PARD3B: variants seen among roughly 807,000 people sequenced by gnomAD.
PARD3B encodes the protein par-3 family cell polarity regulator beta, also known as partitioning defective 3 homolog B.
In PARD3B, 103 loss-of-function variants were observed where a neutral mutation model predicts 130.2. That is an observed-to-expected ratio of 0.79 (90% CI 0.67 to 0.93). The LOEUF (loss-of-function observed/expected upper bound fraction) is 0.93. Among genes scored for constraint, PARD3B ranks in the 40% least tolerant of loss-of-function variants. The pLI, the probability that PARD3B is intolerant of heterozygous loss-of-function variation, is 0.00. For synonymous variants in PARD3B, 583 were observed against 553.2 expected (o/e 1.05, Z -0.76); for missense variants, 1,609 against 1,499.2 (o/e 1.07, Z -1.21).
intron 18 of PARD3B, among the ~76,000 whole-genome samples, chr2:205,312,001 A>T (rs1377156785): frequency 6.6e-6 from 1 of 152,200 alleles, no homozygotes; most frequent in Non-Finnish European, 1.5e-5. Flanking sequence ...ACCCATAAAG[A>T]TACATTTTGA....
Position 205,310,719 on chromosome 2 carries a change from C to CTTTTTTTTTTTTT in PARD3B, c.2630+9028_2630+9040dup, listed in dbSNP as rs34032930. 1.7e-3 allele frequency among the ~76,000 whole-genome samples: 142 copies of CTTTTTTTTTTTTT among 82,604 alleles called. 2 individuals are homozygous for CTTTTTTTTTTTTT. Among genetic ancestry groups the CTTTTTTTTTTTTT allele is most frequent in the Non-Finnish European group, 2.0e-3 (98 of 48,650 alleles). The allele number at this position is 82,604 out of a possible 152,430, so 54.2% of individuals were successfully genotyped here. ...TATTTCTTCCTTTCTTTCTTTCTTT[C>CTTTTTTTTTTTTT]TTTTTTTTTTTTTTTTTTTTTTGAG... On this transcript the variant is annotated intron_variant, in intron 18 of 22. Transcript: ENST00000406610.
intron 1 of PARD3B, among the ~76,000 whole-genome samples, chr2:204,647,291 T>A (rs996143150): frequency 2.0e-5 from 3 of 151,958 alleles, no homozygotes; most frequent in Non-Finnish European, 4.4e-5. Flanking sequence ...GGGTTGTCTG[T>A]TGTTCATTTT....
intron 11 of PARD3B, among the ~76,000 whole-genome samples, chr2:205,165,726 T>A (rs1559501721): frequency 2.3e-5 from 1 of 43,936 alleles, no homozygotes; most frequent in East Asian, 3.8e-4. Flanking sequence ...GTCTCAAAAA[T>A]AAATAAATAA....
At chr2:204,793,693 G>C (rs1227726371) in intron 2 of PARD3B, among the ~76,000 whole-genome samples, 1 of 151,938 alleles carries the variant, frequency 6.6e-6, no homozygotes, top group Non-Finnish European at 1.5e-5. Flanking sequence ...ATTTTTAGTT[G>C]AGATGGGGTT....
intron 21 of PARD3B, among the ~76,000 whole-genome samples, chr2:205,514,171 C>G (rs1208245046): frequency 6.6e-6 from 1 of 152,126 alleles, no homozygotes; most frequent in Non-Finnish European, 1.5e-5. Context: ...TTTCTAACAA[C>G]TGTGTGTCAC....
intron 4 of PARD3B, among the ~76,000 whole-genome samples, chr2:205,060,662 T>TA (rs1700013888): frequency 6.6e-6 from 1 of 152,122 alleles, no homozygotes; most frequent in East Asian, 1.9e-4. Flanking sequence ...GCTTAATATA[T>TA]GTTAATAATA....
At position 204,738,998 on chromosome 2, in the gene PARD3B, G is replaced by C. The variant is rs77259599; in HGVS notation, c.222+52716G>C. 3.3e-5 allele frequency among the ~76,000 whole-genome samples: 5 copies of C among 152,146 alleles called. No homozygotes were observed. The East Asian group carries it at 9.7e-4, about 29-fold the overall frequency. On this transcript the variant is annotated intron_variant, in intron 2 of 22. Transcript: ENST00000406610. ...ATACTCAGTGGGAGGATTATGCAAG[G>C]GTGAGTATCACTGGGAATTCTTAGG...
At chr2:204,816,782 G>GT (rs1024561665) in intron 2 of PARD3B, among the ~76,000 whole-genome samples, 3 of 151,564 alleles carry the variant, frequency 2.0e-5, no homozygotes, top group Non-Finnish European at 2.9e-5. Context: ...TGATTTTATA[G>GT]TTTTAATAAA....
chr2:205,548,238 C>T (rs2052462153), intron 21 of PARD3B, among the ~76,000 whole-genome samples: 2 of 152,080 alleles, frequency 1.3e-5, no homozygotes, highest in South Asian at 4.1e-4. Context: ...CTTTTCCAAG[C>T]TTTCTGGTAC....
intron 18 of PARD3B, among the ~76,000 whole-genome samples, chr2:205,343,320 G>A (rs548862297): frequency 2.0e-5 from 3 of 152,266 alleles, no homozygotes; most frequent in Admixed American, 6.5e-5. Flanking sequence ...CATGTGCTCC[G>A]AGCATGAAGG....
At chr2:205,437,389 A>G (rs912632418) in intron 19 of PARD3B, among the ~76,000 whole-genome samples, 4 of 152,296 alleles carry the variant, frequency 2.6e-5, no homozygotes, top group African/African-American at 9.6e-5. Context: ...TTTAAGGTAT[A>G]TATTAAAGTG....
intron 2 of PARD3B, among the ~76,000 whole-genome samples, chr2:204,786,949 C>T (rs1404313193): frequency 6.6e-6 from 1 of 152,014 alleles, no homozygotes; most frequent in African/African-American, 2.4e-5. Flanking sequence ...GACTTAAAGA[C>T]CTGCTTAGTT....
intron 1 of PARD3B, among the ~76,000 whole-genome samples, chr2:204,624,608 A>G (rs1437175805): frequency 1.3e-5 from 2 of 152,152 alleles, no homozygotes; most frequent in African/African-American, 4.8e-5. Context: ...GATATACTCT[A>G]GTTTGTTTAA....
At chr2:204,686,141 C>T in intron 1 of PARD3B, 40 bp from the exon 2 acceptor site, 1 of 1,356,898 alleles carries the variant, frequency 7.4e-7, no homozygotes, top group Non-Finnish European at 1.1e-6. Context: ...AACTTTTTAA[C>T]ATAGATTAGG....
intron 2 of PARD3B, among the ~76,000 whole-genome samples, chr2:204,836,369 T>C (rs903602108): frequency 1.3e-5 from 2 of 152,146 alleles, no homozygotes; most frequent in African/African-American, 4.8e-5. Flanking sequence ...TTTCTAAAAG[T>C]ACCTTTAAAT....
chr2:205,444,582 C>G (rs542756592), intron 20 of PARD3B, among the ~76,000 whole-genome samples: 2 of 152,266 alleles, frequency 1.3e-5, no homozygotes, highest in South Asian at 4.2e-4. Flanking sequence ...ACAATGGGAG[C>G]CACTGAAGCG....
intron 15 of PARD3B, among the ~76,000 whole-genome samples, chr2:205,200,688 A>T (rs1332756006): frequency 6.6e-6 from 1 of 152,270 alleles, no homozygotes; most frequent in African/African-American, 2.4e-5. Context: ...TTATGTAAAC[A>T]GATGGTAAAG....
chr2:204,618,118 C>A lies in PARD3B; in HGVS notation c.121-68063C>A, dbSNP rs527911699. On this transcript the variant is annotated intron_variant, in intron 1 of 22. Transcript: ENST00000406610. ...CAATGCCCATGGACAGTGGAGAGAA[C>A]GTTTTCTTGTTTATTGTCTCTTTTT... 8.1e-4 allele frequency among the ~76,000 whole-genome samples: 123 copies of A among 152,304 alleles called. 2 individuals are homozygous for A. In the South Asian group the frequency reaches 0.025, roughly 31 times the overall value.
At chr2:204,650,345 C>A (rs2125167479) in intron 1 of PARD3B, among the ~76,000 whole-genome samples, 1 of 152,244 alleles carries the variant, frequency 6.6e-6, no homozygotes, top group South Asian at 2.1e-4. Context: ...GTGGCAATTC[C>A]TCAAAGAGTT....
Sources: allele counts gnomAD v4.1 joint callset (sites outside exome capture counted in the v4.1 genomes callset), GRCh38; gene constraint gnomAD v4.1.1; transcripts MANE v1.5; gene names NCBI Gene and HGNC (gene_info 2026-07-23, HGNC 2026-07-21).